Variants in KCND3 observed in about 807,000 individuals in gnomAD.
KCND3 encodes the protein potassium voltage-gated channel subfamily D member 3.
KCND3 carries 9 observed loss-of-function variants against 51.1 expected under a neutral mutation model. The observed-to-expected ratio is 0.18, with a 90% CI of 0.11 to 0.31. The LOEUF is 0.31. Ranked by LOEUF, KCND3 falls within the 10% of genes least tolerant of loss-of-function variation. The pLI, the probability that KCND3 is intolerant of heterozygous loss-of-function variation, is 1.00. For synonymous variants in KCND3, 349 were observed against 368.0 expected (o/e 0.95, Z 0.59); for missense variants, 526 against 903.8 (o/e 0.58, Z 5.36).
Position 111,775,982 on chromosome 1 carries a change from G to A in KCND3, c.*95C>T. The A allele has an allele frequency of 7.5e-7, 1 of 1,337,390 alleles. No homozygotes were observed. Among genetic ancestry groups the A allele is most frequent in the South Asian group, 1.2e-5 (1 of 84,144 alleles). 82.8% of individuals were successfully genotyped at this position (1,337,390 alleles called of 1,614,324 possible). A position where few individuals can be genotyped will look rare whatever the true frequency, so the allele number is the denominator to read the frequency against. ...TACAATGGGGCAGGCAGAAATAGTG[G>A]GGAAAGGGGGGAGGGAGTGGTCTCA... On this transcript the variant is annotated 3_prime_UTR_variant, in exon 8 of 8. Transcript: ENST00000302127.
chr1:111,816,164 G>A (rs984511456), intron 2 of KCND3, among the ~76,000 whole-genome samples: 2 of 152,256 alleles, frequency 1.3e-5, no homozygotes, highest in African/African-American at 2.4e-5. Flanking sequence ...CCCAAAGCTC[G>A]GCCGGGTGTG....
At chr1:111,950,003 C>G (rs749448653) in intron 2 of KCND3, among the ~76,000 whole-genome samples, 2 of 152,174 alleles carry the variant, frequency 1.3e-5, no homozygotes, top group African/African-American at 4.8e-5. Context: ...CTCCACCTCC[C>G]GGGTTCGAGC....
intron 2 of KCND3, among the ~76,000 whole-genome samples, chr1:111,838,838 A>G (rs575162183): frequency 6.6e-6 from 1 of 152,288 alleles, no homozygotes; most frequent in South Asian, 2.1e-4. Flanking sequence ...AAATGGTTGT[A>G]CTATTGTCCA....
intron 2 of KCND3, among the ~76,000 whole-genome samples, chr1:111,934,291 T>C (rs1197958520): frequency 6.6e-6 from 1 of 152,166 alleles, no homozygotes; most frequent in East Asian, 1.9e-4. Flanking sequence ...CCATTCCATC[T>C]CTGGCCTCAT....
intron 2 of KCND3, among the ~76,000 whole-genome samples, chr1:111,871,709 G>A (rs547244892): frequency 7.2e-5 from 11 of 152,250 alleles, no homozygotes; most frequent in Admixed American, 4.6e-4. Flanking sequence ...ATTGGATATG[G>A]TTTCCAAAGG....
At chr1:111,950,756 A>T (rs1673021763) in intron 2 of KCND3, among the ~76,000 whole-genome samples, 1 of 152,178 alleles carries the variant, frequency 6.6e-6, no homozygotes, top group South Asian at 2.1e-4. Flanking sequence ...AGAGGTGACA[A>T]GGTTTTATGG....
At chr1:111,906,001 G>A (rs1670634747) in intron 2 of KCND3, among the ~76,000 whole-genome samples, 1 of 152,180 alleles carries the variant, frequency 6.6e-6, no homozygotes, top group South Asian at 2.1e-4. Flanking sequence ...CTACCTGGGT[G>A]GAGAACTAGG....
intron 5 of KCND3, 113 bp from the exon 6 acceptor site, chr1:111,778,605 C>T: frequency 1.0e-6 from 1 of 992,398 alleles, no homozygotes; most frequent in East Asian, 2.5e-5. Context: ...CCCTTTGAGT[C>T]AAACATTCCA....
At chr1:111,813,135 C>T (rs1665931926) in intron 2 of KCND3, among the ~76,000 whole-genome samples, 1 of 152,070 alleles carries the variant, frequency 6.6e-6, no homozygotes, top group Non-Finnish European at 1.5e-5. Context: ...ACACAAGTGC[C>T]CTCCATGTGG....
At chr1:111,904,766 A>T (rs553041452) in intron 2 of KCND3, among the ~76,000 whole-genome samples, 17 of 152,176 alleles carry the variant, frequency 1.1e-4, no homozygotes, top group Non-Finnish European at 2.2e-4. Context: ...ATTGGCTCTG[A>T]TAGAGCCCTG....
At chr1:111,868,294 G>A (rs758603881) in intron 2 of KCND3, among the ~76,000 whole-genome samples, 1 of 152,140 alleles carries the variant, frequency 6.6e-6, no homozygotes, top group African/African-American at 2.4e-5. Context: ...CGCTGTCCAC[G>A]CTACCTGCCA....
chr1:111,880,572 A>C (rs904151491), intron 2 of KCND3, among the ~76,000 whole-genome samples: 1 of 152,240 alleles, frequency 6.6e-6, no homozygotes, highest in African/African-American at 2.4e-5. Flanking sequence ...GAGGTTTCCT[A>C]CTGGGACTTC....
intron 3 of KCND3, among the ~76,000 whole-genome samples, chr1:111,786,646 A>C (rs150933176): frequency 1.6e-3 from 248 of 152,196 alleles, no homozygotes; most frequent in Middle Eastern, 6.8e-3. Context: ...GAGTGCGGGG[A>C]TGGCTGAGTG....
intron 2 of KCND3, among the ~76,000 whole-genome samples, chr1:111,972,273 C>T (rs1037856248): frequency 2.0e-5 from 3 of 149,132 alleles, no homozygotes; most frequent in South Asian, 2.1e-4. Flanking sequence ...CCCGGGTTCA[C>T]GCCATTCTCC....
chr1:111,920,123 C>T (rs888793113), intron 2 of KCND3, among the ~76,000 whole-genome samples: 12 of 152,226 alleles, frequency 7.9e-5, no homozygotes, highest in African/African-American at 2.9e-4. Flanking sequence ...CACCTGGCCC[C>T]TCCAGCTGGT....
chr1:111,778,800 A>G (rs189647635), intron 5 of KCND3, among the ~76,000 whole-genome samples: 2 of 152,104 alleles, frequency 1.3e-5, no homozygotes, highest in East Asian at 1.9e-4. Context: ...TTTAATCCCA[A>G]TATCTCACCC....
At chr1:111,948,636 G>A (rs1322636164) in intron 2 of KCND3, among the ~76,000 whole-genome samples, 1 of 152,140 alleles carries the variant, frequency 6.6e-6, no homozygotes, top group Non-Finnish European at 1.5e-5. Context: ...CCAATTAGCT[G>A]GAAGCCTGTG....
intron 2 of KCND3, among the ~76,000 whole-genome samples, chr1:111,900,258 A>T (rs1008180623): frequency 3.3e-5 from 5 of 152,136 alleles, no homozygotes; most frequent in African/African-American, 1.2e-4. Flanking sequence ...CCCTCTGGAA[A>T]GCCCCAGTGA....
intron 2 of KCND3, among the ~76,000 whole-genome samples, chr1:111,870,447 T>C (rs1169793867): frequency 2.0e-5 from 3 of 152,172 alleles, no homozygotes; most frequent in African/African-American, 7.2e-5. Context: ...GATGATCACT[T>C]TGACACTGAA....
Sources: allele counts gnomAD v4.1 joint callset (sites outside exome capture counted in the v4.1 genomes callset), GRCh38; gene constraint gnomAD v4.1.1; transcripts MANE v1.5; gene names NCBI Gene and HGNC (gene_info 2026-07-23, HGNC 2026-07-21).